UNC13A: variants seen among roughly 807,000 people sequenced by gnomAD.
UNC13A encodes unc-13 homolog A, also known as protein unc-13 homolog A.
Under a neutral mutation model 219.7 loss-of-function variants are expected in UNC13A, and 61 were observed. The observed-to-expected ratio is 0.28, with a 90% CI of 0.23 to 0.34. The LOEUF (loss-of-function observed/expected upper bound fraction) is 0.34, where lower values mean the gene tolerates loss of function less well. UNC13A is among the 10% of genes least tolerant of loss of function. The pLI is 1.00. For missense variants in UNC13A, 1,476 were observed against 2,270.3 expected (o/e 0.65, Z 7.11); for synonymous variants, 920 against 884.6 (o/e 1.04, Z -0.71).
intron 33 of UNC13A, 109 bp from the exon 34 acceptor site, chr19:17,626,894 G>A (rs770177477): frequency 1.3e-5 from 19 of 1,422,282 alleles, no homozygotes; most frequent in East Asian, 2.5e-5. Flanking sequence ...GCACATAACC[G>A]AGCAAGAATG....
In UNC13A at chr19:17,616,319, A is replaced by G. The variant is rs1398682110; in HGVS notation, c.4558+1383T>C. 7.7e-6 allele frequency: 5 copies of G among 647,374 alleles called. No homozygotes were observed. The Admixed American group carries it at 1.1e-4, about 14-fold the overall frequency. 40.1% of individuals were successfully genotyped at this position (647,374 alleles called of 1,614,324 possible). A position where few individuals can be genotyped will look rare whatever the true frequency, so the allele number is the denominator to read the frequency against. ...GCGGCCCTGCAGGCCCTTGAGGCAG[A>G]AGGACGATCCTTTTACTAGCCGGGG... is the stretch of plus-strand genomic sequence containing the variant. On this transcript the variant is annotated intron_variant, in intron 41 of 43. Coordinates refer to ENST00000519716, the MANE Select transcript of UNC13A (RefSeq NM_001080421.3).
chr19:17,656,166 C>CTTCAGG lies in UNC13A; in HGVS notation c.999_1000insCCTGAA (p.Glu333_Glu334insProGlu). 6.4e-7 allele frequency: 1 copy of CTTCAGG among 1,552,334 alleles called. No individual in the cohort carries two copies. Among genetic ancestry groups the CTTCAGG allele is most frequent in the Non-Finnish European group, 8.7e-7 (1 of 1,147,168 alleles). On this transcript the variant is annotated inframe_insertion, in exon 10 of 44. Transcript: ENST00000519716. ...TCCTCATCTTCAGGCAGCTCCTCCTCCTCCAGGAAGTCCTCCAGGTCCTCC... is the reference window on the plus strand; with the variant it reads ...TCCTCATCTTCAGGCAGCTCCTCCTCTTCAGGCTCCAGGAAGTCCTCCAGGTCCTCC...
intron 41 of UNC13A, 143 bp downstream of exon 41, chr19:17,617,559 T>G: frequency 1.6e-6 from 2 of 1,255,138 alleles, no homozygotes; most frequent in Non-Finnish European, 2.2e-6. Flanking sequence ...TGATCGCTCA[T>G]TGGTCCCTGG....
intron 9 of UNC13A, 107 bp downstream of exon 9, chr19:17,657,955 C>T (rs1248633637): frequency 1.7e-6 from 2 of 1,174,518 alleles, no homozygotes; most frequent in African/African-American, 3.1e-5. Flanking sequence ...TGGGTGAATT[C>T]TGCCCTTCTG....
intron 1 of UNC13A, among the ~76,000 whole-genome samples, chr19:17,679,376 G>A (rs2079962646): frequency 6.6e-6 from 1 of 151,828 alleles, no homozygotes; most frequent in Non-Finnish European, 1.5e-5. Context: ...CTCCAGCCTG[G>A]GCGACAGAGC....
In UNC13A at chr19:17,647,582, G is replaced by A. The variant is rs1046759226; in HGVS notation, c.1817-90C>T. The A allele has an allele frequency of 3.1e-6, 4 of 1,307,014 alleles. No individual in the cohort carries two copies. The South Asian group carries it at 4.0e-5, about 13-fold the overall frequency. The allele number at this position is 1,307,014 out of a possible 1,614,324, so 81.0% of individuals were successfully genotyped here. A position where few individuals can be genotyped will look rare whatever the true frequency, so the allele number is the denominator to read the frequency against. On this transcript the variant is annotated intron_variant, in intron 16 of 43. Transcript: ENST00000519716. Reference sequence around the variant, plus strand: ...AGAGCCCCGCCCCTACTCATCAACCGGGGGGACTCAGGTGTCACCCCCTGA... The same window carrying A: ...AGAGCCCCGCCCCTACTCATCAACCAGGGGGACTCAGGTGTCACCCCCTGA...
At chr19:17,684,853 T>A (rs2080079935) in intron 1 of UNC13A, among the ~76,000 whole-genome samples, 1 of 152,196 alleles carries the variant, frequency 6.6e-6, no homozygotes, top group Non-Finnish European at 1.5e-5. Flanking sequence ...TGTCACTACA[T>A]CAGAGACACA....
chr19:17,620,332 C>T (rs2076714563), intron 38 of UNC13A, among the ~76,000 whole-genome samples: 1 of 152,116 alleles, frequency 6.6e-6, no homozygotes, highest in Non-Finnish European at 1.5e-5. Context: ...CTGGTCATTC[C>T]TAGAGGTATT....
intron 6 of UNC13A, among the ~76,000 whole-genome samples, chr19:17,667,742 T>C (rs1361913591): frequency 1.3e-5 from 2 of 151,082 alleles, no homozygotes; most frequent in African/African-American, 4.9e-5. Context: ...CCCAAATTGC[T>C]GGGATTACAG....
intron 39 of UNC13A, 102 bp from the exon 40 acceptor site, chr19:17,618,603 A>AG (rs2076693655): frequency 4.9e-6 from 6 of 1,220,016 alleles, no homozygotes; most frequent in Non-Finnish European, 7.1e-6. Context: ...AGCTGGGCTG[A>AG]GGGTCTATGT....
At chr19:17,626,122 C>A (rs1302466387) in intron 34 of UNC13A, among the ~76,000 whole-genome samples, 1 of 151,630 alleles carries the variant, frequency 6.6e-6, no homozygotes, top group Non-Finnish European at 1.5e-5. Flanking sequence ...TTCATCCATC[C>A]AAATATTTAT....
At chr19:17,643,333 T>TA (rs2076991042) in intron 19 of UNC13A, among the ~76,000 whole-genome samples, 1 of 151,814 alleles carries the variant, frequency 6.6e-6, no homozygotes, top group African/African-American at 2.4e-5. Flanking sequence ...AATTTTTTTT[T>TA]ATTTTATTTT....
At position 17,669,943 on chromosome 19, in the gene UNC13A, CTTT is replaced by C. The variant is rs2079749613; in HGVS notation, c.271-270_271-268del. ...TTCCTTTCTCTCTCTTTTTTCTTTT[CTTT>C]TCTTTTTTTTTTTTTTTTGAGACAG... On this transcript the variant is annotated intron_variant, in intron 4 of 43. Transcript: ENST00000519716. 1.3e-4 allele frequency among the ~76,000 whole-genome samples: 11 copies of C among 87,354 alleles called. No individual in the cohort carries two copies. In the Admixed American group the frequency reaches 1.4e-3, roughly 11 times the overall value. The allele number at this position is 87,354 out of a possible 152,430, so 57.3% of individuals were successfully genotyped here. A position where few individuals can be genotyped will look rare whatever the true frequency, so the allele number is the denominator to read the frequency against.
rs1278621800 is a variant in UNC13A, at chr19:17,605,276, C to T, written c.*778G>A. The T allele has an allele frequency of 1.3e-5, 2 of 152,838 alleles. No individual in the cohort carries two copies. Among genetic ancestry groups the T allele is most frequent in the Non-Finnish European group, 2.9e-5 (2 of 68,178 alleles). 9.5% of individuals were successfully genotyped at this position (152,838 alleles called of 1,614,324 possible). A position where few individuals can be genotyped will look rare whatever the true frequency, so the allele number is the denominator to read the frequency against. On this transcript the variant is annotated 3_prime_UTR_variant, in exon 44 of 44. Transcript: ENST00000519716. ...GGAACCTTGGCCAAGTCTCAAGCAG[C>T]TCTTTAAGCCTCAGTTTTGCCATCT...
intron 5 of UNC13A, 28 bp downstream of exon 5, chr19:17,669,525 G>A (rs778094535): frequency 6.2e-7 from 1 of 1,608,958 alleles, no homozygotes; most frequent in Non-Finnish European, 8.5e-7. Flanking sequence ...GCTGGGGCTG[G>A]GTGAAGGTCC....
At chr19:17,628,280 T>G (rs2076804624) in intron 31 of UNC13A, 1 of 318,696 alleles carries the variant, frequency 3.1e-6, no homozygotes, top group Non-Finnish European at 5.9e-6. Context: ...AAGGCTTCAT[T>G]TGCAACAGCC....
Position 17,658,184 on chromosome 19 carries a change from A to G in UNC13A, c.645T>C (p.Thr215=). Residue 215 remains threonine (T), a synonymous_variant, in exon 9 of 44, where the codon ACT becomes ACC. Coordinates refer to ENST00000519716, the MANE Select transcript of UNC13A (RefSeq NM_001080421.3). Reference sequence around the variant, plus strand: ...GGACTGAGGCGTTGGGTTGTGACGTAGTATAATAGGGCGGCGGGATGCTGT... The same window carrying G: ...GGACTGAGGCGTTGGGTTGTGACGTGGTATAATAGGGCGGCGGGATGCTGT... ...TSNSIPPPYY[T]TSQPNASVHQ... is the part of the protein sequence containing the mutation. 3 of 1,613,998 alleles carry G rather than the reference A, an allele frequency of 1.9e-6. No individual in the cohort carries two copies. Among genetic ancestry groups the G allele is most frequent in the South Asian group, 2.2e-5 (2 of 91,082 alleles).
intron 8 of UNC13A, among the ~76,000 whole-genome samples, chr19:17,662,761 A>G (rs1402456023): frequency 6.6e-6 from 1 of 152,110 alleles, no homozygotes; most frequent in East Asian, 1.9e-4. Context: ...TCTACTAAAA[A>G]TACAAAAAAT....
rs775221480 is a variant in UNC13A at position 17,652,682 on chromosome 19, A to G, written c.1393-5T>C. On this transcript the variant is annotated splice_region_variant and splice_polypyrimidine_tract_variant and intron_variant, in intron 11 of 43. Transcript: ENST00000519716. Reference sequence around the variant, plus strand: ...CATCTCTCCTTCTCCCCGGGCCTGCAGGACAGACAGACAGATATGGTCAGT... The same window carrying G: ...CATCTCTCCTTCTCCCCGGGCCTGCGGGACAGACAGACAGATATGGTCAGT... 5 of 1,613,736 alleles carry G rather than the reference A, an allele frequency of 3.1e-6. No homozygotes were observed. Among genetic ancestry groups the G allele is most frequent in the Non-Finnish European group, 4.2e-6 (5 of 1,179,706 alleles).
Sources: allele counts gnomAD v4.1 joint callset (sites outside exome capture counted in the v4.1 genomes callset), GRCh38; gene constraint gnomAD v4.1.1; transcripts MANE v1.5; gene names NCBI Gene and HGNC (gene_info 2026-07-23, HGNC 2026-07-21).